FGF13: variants seen among roughly 807,000 people sequenced by gnomAD.
The protein encoded by FGF13 is fibroblast growth factor 13.
A neutral mutation model predicts 19.5 loss-of-function variants in FGF13; 2 were observed. The observed-to-expected ratio is 0.10, with a 90% CI of 0.04 to 0.32. The LOEUF (loss-of-function observed/expected upper bound fraction) is 0.32, where lower values mean the gene tolerates loss of function less well. FGF13 is among the 10% of genes least tolerant of loss of function. The probability of loss-of-function intolerance (pLI) is 1.00; values close to 1 mark genes in which losing one functional copy is unlikely to be tolerated. For missense variants in FGF13, 113 were observed against 192.7 expected (o/e 0.59, Z 2.45); for synonymous variants, 72 against 76.9 (o/e 0.94, Z 0.33).
chrX:139,204,596 C>T (rs922112316), upstream of FGF13, among the ~76,000 whole-genome samples: 4 of 113,009 alleles, frequency 3.5e-5, no homozygotes, highest in African/African-American at 9.6e-5. Flanking sequence ...GCTGCTTTCC[C>T]CCGCCTCTCC....
At chrX:139,041,229 A>G (rs959144059) in intron 1 of FGF13, among the ~76,000 whole-genome samples, 1 of 111,097 alleles carries the variant, frequency 9.0e-6, no homozygotes, top group Non-Finnish European at 1.9e-5. Context: ...TGAAGAAAAA[A>G]AAAGATTGTC....
intron 1 of FGF13, among the ~76,000 whole-genome samples, chrX:139,115,399 A>C (rs2083632758): frequency 8.9e-6 from 1 of 112,029 alleles, no homozygotes; most frequent in African/African-American, 3.2e-5. Context: ...GCTTCCAAGG[A>C]TTGCTCTTCA....
At chrX:138,720,315 T>C (rs2090139122) in intron 1 of FGF13, among the ~76,000 whole-genome samples, 2 of 112,294 alleles carry the variant, frequency 1.8e-5, no homozygotes, top group Non-Finnish European at 3.8e-5. Context: ...TTTATGACAT[T>C]TAAGCGAGGA....
At chrX:138,811,968 G>C (rs2090929339) in intron 3 of FGF13, among the ~76,000 whole-genome samples, 1 of 108,409 alleles carries the variant, frequency 9.2e-6, no homozygotes, top group Non-Finnish European at 1.9e-5. Flanking sequence ...CAGTTCAGTG[G>C]TTTTTAATGT....
At chrX:139,134,556 A>T (rs1404012084) in intron 1 of FGF13, among the ~76,000 whole-genome samples, 1 of 111,396 alleles carries the variant, frequency 9.0e-6, no homozygotes, top group Non-Finnish European at 1.9e-5. Context: ...TCAAAATCCA[A>T]CCATGTCAAC....
intron 1 of FGF13, among the ~76,000 whole-genome samples, chrX:139,189,734 G>A (rs1399073031): frequency 8.9e-6 from 1 of 111,879 alleles, no homozygotes; most frequent in Non-Finnish European, 1.9e-5. Context: ...GTGAGATAAC[G>A]TTCTGAAGAC....
intron 3 of FGF13, among the ~76,000 whole-genome samples, chrX:138,700,246 T>C (rs1214209490): frequency 9.0e-6 from 1 of 111,355 alleles, no homozygotes; most frequent in East Asian, 2.8e-4. Flanking sequence ...TTTTTTTAAC[T>C]TGCCCACATC....
chrX:138,868,276 A>T (rs998839442), intron 1 of FGF13, among the ~76,000 whole-genome samples: 1 of 111,255 alleles, frequency 9.0e-6, no homozygotes, highest in African/African-American at 3.3e-5. Context: ...TCCTCCATGC[A>T]TACTTATGGA....
In FGF13 at chrX:139,025,625, C is replaced by T. The variant is rs147913892; in HGVS notation, c.-112-160975G>A. 1.3e-4 allele frequency among the ~76,000 whole-genome samples: 15 copies of T among 111,326 alleles called. No individual in the cohort carries two copies. The East Asian group carries it at 2.9e-3, about 21-fold the overall frequency. ...ACCATTCTCTCCCTTTTCTTTCAGA[C>T]TCCAGTAGTTATGCTAGAGATGCTC... On this transcript the variant is annotated intron_variant, in intron 1 of 2. Coordinates refer to the FGF13 transcript ENST00000421460.
intron 3 of FGF13, among the ~76,000 whole-genome samples, chrX:138,834,871 AGTTTC>A (rs955436602): frequency 9.0e-6 from 1 of 111,436 alleles, no homozygotes; most frequent in African/African-American, 3.3e-5. Context: ...TGTTCTCATT[AGTTTC>A]AATGAACTTC....
At chrX:138,776,160 T>C (rs1235712379) in intron 3 of FGF13, among the ~76,000 whole-genome samples, 2 of 112,217 alleles carry the variant, frequency 1.8e-5, no homozygotes, top group Non-Finnish European at 3.8e-5. Context: ...AGACTGATAT[T>C]ATGTATTTGT....
intron 1 of FGF13, among the ~76,000 whole-genome samples, chrX:139,137,616 A>G (rs1569456845): frequency 1.8e-5 from 2 of 112,135 alleles, no homozygotes; most frequent in African/African-American, 3.2e-5. Flanking sequence ...GTTGGAAATA[A>G]TCAAAGCACC....
chrX:138,637,066 G>A (rs2089192557), intron 3 of FGF13, among the ~76,000 whole-genome samples: 1 of 111,781 alleles, frequency 8.9e-6, no homozygotes. Context: ...CTGGCTCCCA[G>A]AATGCACGAA....
chrX:138,734,596 A>G (rs1250829487), intron 1 of FGF13, among the ~76,000 whole-genome samples: 1 of 111,751 alleles, frequency 8.9e-6, no homozygotes, highest in Non-Finnish European at 1.9e-5. Flanking sequence ...TCAGGAGAGG[A>G]AAGGTATCTC....
At chrX:138,657,044 G>A (rs760245386) in intron 3 of FGF13, among the ~76,000 whole-genome samples, 10 of 111,509 alleles carry the variant, frequency 9.0e-5, no homozygotes, top group African/African-American at 2.3e-4. Flanking sequence ...TCATGATGGC[G>A]TTTCATAGAT....
intron 3 of FGF13, among the ~76,000 whole-genome samples, chrX:138,773,190 A>C (rs184226597): frequency 0.016 from 1,827 of 111,764 alleles, 25 homozygotes; most frequent in African/African-American, 0.055. Context: ...AAGTCAATTC[A>C]AATACAGCCA....
At chrX:138,654,744 AATACATAC>A (rs61363120) in intron 3 of FGF13, among the ~76,000 whole-genome samples, 33 of 105,099 alleles carry the variant, frequency 3.1e-4, no homozygotes, top group Middle Eastern at 9.6e-3. Flanking sequence ...CCGGCTCAAA[AATACATAC>A]ATACATACAT....
chrX:138,801,914 G>A (rs2090832652), intron 3 of FGF13, among the ~76,000 whole-genome samples: 1 of 111,354 alleles, frequency 9.0e-6, no homozygotes, highest in Admixed American at 9.5e-5. Context: ...CCTCAGTAAT[G>A]GTGGATGCCC....
intron 1 of FGF13, among the ~76,000 whole-genome samples, chrX:138,866,297 CA>C (rs2124157117): frequency 8.9e-6 from 1 of 112,241 alleles, no homozygotes; most frequent in African/African-American, 3.2e-5. Context: ...GCAAGGGTGG[CA>C]AACCAAAGTG....
Sources: gnomAD v4.1 joint callset for allele counts (sites outside exome capture counted in the v4.1 genomes callset) on GRCh38, gnomAD v4.1.1 for gene constraint, MANE v1.5 for transcripts, NCBI Gene and HGNC (gene_info 2026-07-23, HGNC 2026-07-21) for gene names.